RYR3: variants seen among roughly 807,000 people sequenced by gnomAD.
The protein encoded by RYR3 is brain ryanodine receptor-calcium release channel.
In RYR3, 207 loss-of-function variants were observed where a neutral mutation model predicts 584.3. The ratio of observed to expected loss-of-function variants is 0.35; its 90% CI spans 0.32 to 0.40. The LOEUF (loss-of-function observed/expected upper bound fraction) is 0.40, where lower values mean the gene tolerates loss of function less well. Among genes scored for constraint, RYR3 ranks in the 10% least tolerant of loss-of-function variants. RYR3 has a pLI of 1.00. For synonymous variants in RYR3, 2,416 were observed against 2,248.5 expected (o/e 1.07, Z -2.11); for missense variants, 5,616 against 6,089.2 (o/e 0.92, Z 2.59).
chr15:33,862,340 C>T lies in RYR3; in HGVS notation c.14465+1162C>T, dbSNP rs569460898. On this transcript the variant is annotated intron_variant, in intron 102 of 103. Coordinates refer to ENST00000634891, the MANE Select transcript of RYR3 (RefSeq NM_001036.6). ...ACATCCGCCTCAGCCTCCTGAGTAGCTGGGACAGGTGTACCACTAATTTAG... is the reference window on the plus strand; with the variant it reads ...ACATCCGCCTCAGCCTCCTGAGTAGTTGGGACAGGTGTACCACTAATTTAG... Among the ~76,000 whole-genome samples, 6 of 151,318 alleles carry T rather than the reference C, an allele frequency of 4.0e-5. No homozygotes were observed. In the South Asian group the frequency reaches 1.3e-3, roughly 32 times the overall value.
chr15:33,676,053 A>T (rs2064156540), intron 38 of RYR3, among the ~76,000 whole-genome samples: 1 of 152,194 alleles, frequency 6.6e-6, no homozygotes, highest in African/African-American at 2.4e-5. Flanking sequence ...AAAAAAATGC[A>T]GATGGAATTA....
chr15:33,853,413 CTT>C, intron 95 of RYR3, 140 bp from the exon 96 acceptor site: 1 of 1,137,910 alleles, frequency 8.8e-7, no homozygotes, highest in East Asian at 2.6e-5. Flanking sequence ...TGGGTTTTCT[CTT>C]TTTTCTGCAT....
intron 1 of RYR3, among the ~76,000 whole-genome samples, chr15:33,391,879 G>T (rs1378838961): frequency 6.6e-6 from 1 of 152,000 alleles, no homozygotes; most frequent in African/African-American, 2.4e-5. Flanking sequence ...TTATGCCTCA[G>T]GGCTTTTAAA....
At chr15:33,813,714 G>A (rs2076664687) in intron 74 of RYR3, 135 bp downstream of exon 74, 1 of 714,128 alleles carries the variant, frequency 1.4e-6, no homozygotes, top group Non-Finnish European at 2.4e-6. Flanking sequence ...ATTGCAGTCT[G>A]CATAGTATAA....
intron 1 of RYR3, among the ~76,000 whole-genome samples, chr15:33,420,129 T>C (rs1372815070): frequency 6.6e-6 from 1 of 152,204 alleles, no homozygotes; most frequent in East Asian, 1.9e-4. Flanking sequence ...ACAGCAATTC[T>C]TAATGTGTTA....
intron 93 of RYR3, among the ~76,000 whole-genome samples, chr15:33,846,685 G>A (rs2078744417): frequency 6.6e-6 from 1 of 152,126 alleles, no homozygotes; most frequent in African/African-American, 2.4e-5. Context: ...GCTACACTAA[G>A]GACTCTATTG....
intron 85 of RYR3, chr15:33,830,658 T>C (rs545053551): frequency 6.7e-5 from 15 of 224,562 alleles, no homozygotes; most frequent in Admixed American, 1.1e-4. Context: ...GCTGTTACTA[T>C]GATTATTTGG....
intron 19 of RYR3, among the ~76,000 whole-genome samples, chr15:33,618,386 C>T (rs2060557608): frequency 6.6e-6 from 1 of 152,174 alleles, no homozygotes; most frequent in African/African-American, 2.4e-5. Context: ...TAGCTATTTC[C>T]AGCTTGCTGT....
At chr15:33,386,900 C>T (rs981185218) in intron 1 of RYR3, among the ~76,000 whole-genome samples, 4 of 151,912 alleles carry the variant, frequency 2.6e-5, no homozygotes, top group Non-Finnish European at 5.9e-5. Context: ...CTCTGTCGCC[C>T]GGGCTGGAGT....
chr15:33,350,943 A>T (rs1022329750), intron 1 of RYR3, among the ~76,000 whole-genome samples: 1 of 152,236 alleles, frequency 6.6e-6, no homozygotes, highest in African/African-American at 2.4e-5. Context: ...AGACACAAAA[A>T]ACCCTTCAAA....
intron 74 of RYR3, chr15:33,815,990 C>T (rs1057487959): frequency 7.5e-6 from 3 of 397,714 alleles, no homozygotes; most frequent in Non-Finnish European, 1.3e-5. Flanking sequence ...CTTTATTGAC[C>T]ATGATTTAAC....
At position 33,562,986 on chromosome 15, in the gene RYR3, C is replaced by T; in HGVS notation, c.1122C>T (p.Ser374=). 6.8e-6 allele frequency: 11 copies of T among 1,609,480 alleles called. No homozygotes were observed. Among genetic ancestry groups the T allele is most frequent in the Non-Finnish European group, 9.3e-6 (11 of 1,177,784 alleles). The part of the protein sequence containing the change: ...VTYKAQDAKT[S]RLGPLKRKVI... Reference sequence around the variant, plus strand: ...ACAAAGCACAAGACGCCAAAACTTCCCGCCTGGGACCTCTAAAAAGAAAGG... The same window carrying T: ...ACAAAGCACAAGACGCCAAAACTTCTCGCCTGGGACCTCTAAAAAGAAAGG... Residue 374 remains serine (S), a synonymous_variant, in exon 11 of 104, where the codon TCC becomes TCT. Coordinates refer to ENST00000634891, the MANE Select transcript of RYR3 (RefSeq NM_001036.6).
rs529915698 is a variant in RYR3, at chr15:33,720,563, G to A, written c.6620-2152G>A. 9.8e-5 allele frequency among the ~76,000 whole-genome samples: 15 copies of A among 152,306 alleles called. No individual in the cohort carries two copies. In the East Asian group the frequency reaches 2.1e-3, roughly 22 times the overall value. ...GAGCTGGAACAAGAAGATTTTCTGG[G>A]TTCTCATTCAGATGCTCTGCCAGGG... On this transcript the variant is annotated intron_variant, in intron 43 of 103. Coordinates refer to ENST00000634891, the MANE Select transcript of RYR3 (RefSeq NM_001036.6).
At chr15:33,426,234 C>T (rs1023094555) in intron 1 of RYR3, among the ~76,000 whole-genome samples, 2 of 152,172 alleles carry the variant, frequency 1.3e-5, no homozygotes, top group African/African-American at 2.4e-5. Context: ...TGAATTAATA[C>T]TTTAAAATAC....
chr15:33,520,571 T>A (rs987009904), intron 3 of RYR3, among the ~76,000 whole-genome samples: 4 of 152,184 alleles, frequency 2.6e-5, no homozygotes, highest in African/African-American at 7.2e-5. Context: ...CTTAATCTAT[T>A]AGCTACAGGA....
intron 3 of RYR3, 97 bp from the exon 4 acceptor site, chr15:33,530,495 T>C: frequency 1.2e-6 from 1 of 846,912 alleles, no homozygotes; most frequent in South Asian, 1.5e-5. Context: ...CAATGGGTCT[T>C]TTCCTGGTAG....
At chr15:33,725,560 C>A (rs910672704) in intron 45 of RYR3, among the ~76,000 whole-genome samples, 1 of 152,154 alleles carries the variant, frequency 6.6e-6, no homozygotes, top group Non-Finnish European at 1.5e-5. Flanking sequence ...CCGCTGAGCC[C>A]CTCAAGTTCT....
In RYR3 at chr15:33,548,319, G is replaced by T; in HGVS notation, c.815+115G>T. ...TCTGGCAAACTCCTTCAAGTCCTTTGTCTAGAGCTAAGTTCTGATATTTCT... is the reference window on the plus strand; with the variant it reads ...TCTGGCAAACTCCTTCAAGTCCTTTTTCTAGAGCTAAGTTCTGATATTTCT... On this transcript the variant is annotated intron_variant, in intron 9 of 103. Transcript: ENST00000634891. The T allele has an allele frequency of 6.3e-6, 4 of 639,624 alleles. No individual in the cohort carries two copies. In the East Asian group the frequency reaches 8.6e-5, roughly 14 times the overall value. The allele number at this position is 639,624 out of a possible 1,614,324, so 39.6% of individuals were successfully genotyped here. A position where few individuals can be genotyped will look rare whatever the true frequency, so the allele number is the denominator to read the frequency against.
In RYR3 at chr15:33,838,478, G is replaced by A. The variant is rs777104598; in HGVS notation, c.12498G>A (p.Arg4166=). The A allele has an allele frequency of 1.2e-6, 2 of 1,614,050 alleles. No homozygotes were observed. Among genetic ancestry groups the A allele is most frequent in the Non-Finnish European group, 1.7e-6 (2 of 1,179,898 alleles). ...FLKRATLKNL[R]KQYRNVKKMT... ...AGAGAGCAACCCTGAAGAACCTCAG[G>A]AAGCAGTACAGGAACGTGAAAAAGA... The change falls in exon 89 of 104, where the codon AGG becomes AGA. Residue 4166 remains arginine (R), a synonymous_variant. Coordinates refer to ENST00000634891, the MANE Select transcript of RYR3 (RefSeq NM_001036.6).
Sources: gnomAD v4.1 joint callset for allele counts (sites outside exome capture counted in the v4.1 genomes callset) on GRCh38, gnomAD v4.1.1 for gene constraint, MANE v1.5 for transcripts, NCBI Gene and HGNC (gene_info 2026-07-23, HGNC 2026-07-21) for gene names.